The following INPP4B variants were observed in gnomAD, a reference collection of about 807,000 sequenced individuals.
INPP4B encodes the protein inositol polyphosphate-4-phosphatase type II B, also known as inositol polyphosphate 4-phosphatase type II.
A neutral mutation model predicts 122.5 loss-of-function variants in INPP4B; 55 were observed. That is an observed-to-expected ratio of 0.45 (90% CI 0.36 to 0.56). The LOEUF (loss-of-function observed/expected upper bound fraction) is 0.56, where lower values mean the gene tolerates loss of function less well. INPP4B is among the 20% of genes least tolerant of loss of function. INPP4B has a pLI of 0.00. For missense variants in INPP4B, 1,000 were observed against 1,097.7 expected (o/e 0.91, Z 1.26); for synonymous variants, 403 against 388.7 (o/e 1.04, Z -0.43).
chr4:142,261,039 G>T (rs942644089), intron 10 of INPP4B, among the ~76,000 whole-genome samples: 1 of 152,188 alleles, frequency 6.6e-6, no homozygotes, highest in Non-Finnish European at 1.5e-5. Context: ...GCAAAACAAC[G>T]CAAGCACTTG....
chr4:142,752,474 G>A (rs955160258), intron 1 of INPP4B, among the ~76,000 whole-genome samples: 2 of 152,086 alleles, frequency 1.3e-5, no homozygotes, highest in African/African-American at 2.4e-5. Context: ...AGGCTTGAAA[G>A]TATGTGTCTT....
At chr4:142,029,210 A>T in intron 25 of INPP4B, 5 of 1,057,376 alleles carry the variant, frequency 4.7e-6, no homozygotes, top group Non-Finnish European at 4.6e-6. Context: ...AGTTTCATAA[A>T]TATATCTGCC....
intron 2 of INPP4B, among the ~76,000 whole-genome samples, chr4:142,645,136 C>G (rs1560911534): frequency 6.6e-6 from 1 of 151,984 alleles, no homozygotes; most frequent in Non-Finnish European, 1.5e-5. Flanking sequence ...TAAATTCTGT[C>G]TCACAATTTA....
intron 2 of INPP4B, among the ~76,000 whole-genome samples, chr4:142,584,557 C>G (rs1735762878): frequency 6.6e-6 from 1 of 152,088 alleles, no homozygotes; most frequent in Non-Finnish European, 1.5e-5. Flanking sequence ...TGATGTTTTT[C>G]TCATAATTAA....
At chr4:142,389,114 G>A (rs1796857909) in intron 7 of INPP4B, among the ~76,000 whole-genome samples, 1 of 152,106 alleles carries the variant, frequency 6.6e-6, no homozygotes. Flanking sequence ...GCTGGGCACA[G>A]TGGCAGGTGC....
In INPP4B at chr4:142,799,216, C is replaced by G. The variant is rs191543542; in HGVS notation, c.-254+46993G>C. 2.2e-3 allele frequency among the ~76,000 whole-genome samples: 332 copies of G among 151,920 alleles called. 1 individual carries two copies. Among genetic ancestry groups the G allele is most frequent in the African/African-American group, 7.2e-3 (298 of 41,494 alleles). On this transcript the variant is annotated intron_variant, in intron 1 of 25. Transcript: ENST00000262992. ...TTATACAACCCCTTGTTCTGCTTTTCCCCATATATATTTCAGGATTACTTT... is the reference window on the plus strand; with the variant it reads ...TTATACAACCCCTTGTTCTGCTTTTGCCCATATATATTTCAGGATTACTTT...
At chr4:142,548,749 C>CTGTG (rs35765248) in intron 2 of INPP4B, among the ~76,000 whole-genome samples, 74 of 145,030 alleles carry the variant, frequency 5.1e-4, no homozygotes, top group Non-Finnish European at 7.7e-4. Context: ...ACAGATGTGT[C>CTGTG]TGTGTGTGTG....
chr4:142,694,901 T>G (rs10020865), intron 2 of INPP4B, among the ~76,000 whole-genome samples: 15,093 of 152,030 alleles, frequency 0.099, 780 homozygotes, highest in African/African-American at 0.12. Context: ...TTTTCTCTAC[T>G]GGGAGCAAAA....
At chr4:142,443,923 C>T (rs1231348615) in intron 3 of INPP4B, among the ~76,000 whole-genome samples, 1 of 151,622 alleles carries the variant, frequency 6.6e-6, no homozygotes, top group Admixed American at 6.6e-5. Context: ...AAAGCAAAAG[C>T]AAAAAAATAA....
chr4:142,384,197 T>C (rs1795164807), intron 7 of INPP4B: 1 of 692,636 alleles, frequency 1.4e-6, no homozygotes, highest in African/African-American at 1.8e-5. Context: ...TACATGTGGG[T>C]TAAGACAAAA....
At chr4:142,687,161 T>C (rs1032970524) in intron 2 of INPP4B, among the ~76,000 whole-genome samples, 3 of 152,004 alleles carry the variant, frequency 2.0e-5, no homozygotes, top group African/African-American at 7.2e-5. Flanking sequence ...AAAGAGCATA[T>C]GAATTGACCG....
chr4:142,458,302 G>A (rs542005481), intron 3 of INPP4B, among the ~76,000 whole-genome samples: 10 of 152,206 alleles, frequency 6.6e-5, no homozygotes, highest in Non-Finnish European at 1.3e-4. Context: ...TGGACAGGAA[G>A]AGGGAAGTTT....
At chr4:142,089,739 C>T (rs1273428330) in intron 23 of INPP4B, among the ~76,000 whole-genome samples, 1 of 152,138 alleles carries the variant, frequency 6.6e-6, no homozygotes, top group Non-Finnish European at 1.5e-5. Context: ...TTAGTGTATA[C>T]ATTGCACTCG....
chr4:142,031,644 G>T (rs1326368269), intron 25 of INPP4B, among the ~76,000 whole-genome samples: 4 of 152,132 alleles, frequency 2.6e-5, no homozygotes, highest in African/African-American at 9.7e-5. Flanking sequence ...TCAATTGTAT[G>T]AGTAACTTGG....
chr4:142,392,099 C>T (rs928751479), intron 7 of INPP4B, among the ~76,000 whole-genome samples: 2 of 152,276 alleles, frequency 1.3e-5, no homozygotes, highest in South Asian at 4.1e-4. Flanking sequence ...CTTTGACATC[C>T]ACACTACAGC....
chr4:142,407,812 C>T (rs17016045), intron 5 of INPP4B, among the ~76,000 whole-genome samples: 4,625 of 152,172 alleles, frequency 0.03, 257 homozygotes, highest in African/African-American at 0.11. Context: ...CAAACTCTGA[C>T]ACTTAATTGC....
chr4:142,366,844 G>C (rs1011256939), intron 7 of INPP4B, among the ~76,000 whole-genome samples: 1 of 152,256 alleles, frequency 6.6e-6, no homozygotes, highest in Non-Finnish European at 1.5e-5. Context: ...AGTCCTATTT[G>C]CTGTATCAGT....
At chr4:142,493,036 C>T (rs1195303421) in intron 2 of INPP4B, among the ~76,000 whole-genome samples, 1 of 152,204 alleles carries the variant, frequency 6.6e-6, no homozygotes, top group Non-Finnish European at 1.5e-5. Flanking sequence ...TCAGCTGTGG[C>T]TAAAAGATGC....
At chr4:142,281,106 C>A (rs939760026) in intron 9 of INPP4B, among the ~76,000 whole-genome samples, 5 of 135,792 alleles carry the variant, frequency 3.7e-5, no homozygotes, top group Non-Finnish European at 7.7e-5. Flanking sequence ...TCATTTATTT[C>A]ATTTTTTTTT....
Sources: gnomAD v4.1 joint callset for allele counts (sites outside exome capture counted in the v4.1 genomes callset) on GRCh38, gnomAD v4.1.1 for gene constraint, MANE v1.5 for transcripts, NCBI Gene and HGNC (gene_info 2026-07-23, HGNC 2026-07-21) for gene names.